The following UBE4B variants were observed in gnomAD, a reference collection of about 807,000 sequenced individuals.
UBE4B encodes ubiquitin conjugation factor E4 B.
A neutral mutation model predicts 148.1 loss-of-function variants in UBE4B; 27 were observed. The ratio of observed to expected loss-of-function variants is 0.18; its 90% CI spans 0.13 to 0.25. The LOEUF (loss-of-function observed/expected upper bound fraction) is 0.25. Ranked by LOEUF, UBE4B falls within the 10% of genes least tolerant of loss-of-function variation. The pLI, the probability that UBE4B is intolerant of heterozygous loss-of-function variation, is 1.00. For synonymous variants in UBE4B, 596 were observed against 619.3 expected (o/e 0.96, Z 0.56); for missense variants, 1,170 against 1,662.4 (o/e 0.70, Z 5.15).
chr1:10,170,735 A>G (rs1483639059), intron 24 of UBE4B, among the ~76,000 whole-genome samples: 2 of 152,222 alleles, frequency 1.3e-5, no homozygotes, highest in African/African-American at 4.8e-5. Context: ...AAAAAAGTTT[A>G]TGAAATACTG....
rs1302053658 is a variant in UBE4B, at chr1:10,095,486, T to C, written c.237T>C (p.Ser79=). The part of the protein sequence containing the change: ...ASGVAHRSQS[S]EGVSSLSSSP... ...GAGTAGCCCATCGAAGCCAGAGCAG[T>C]GAAGGAGTCAGTTCTCTCAGCAGCT... Residue 79 remains serine (S), a synonymous_variant, in exon 3 of 28, where the codon AGT becomes AGC. Coordinates refer to ENST00000343090, the MANE Select transcript of UBE4B (RefSeq NM_001105562.3). The C allele has an allele frequency of 6.2e-7, 1 of 1,614,174 alleles. No individual in the cohort carries two copies. Among genetic ancestry groups the C allele is most frequent in the Admixed American group, 1.7e-5 (1 of 60,018 alleles).
chr1:10,173,575 A>T (rs1373547948), intron 25 of UBE4B, among the ~76,000 whole-genome samples: 1 of 152,178 alleles, frequency 6.6e-6, no homozygotes, highest in Non-Finnish European at 1.5e-5. Context: ...ATTTAGAAAC[A>T]GAAAGCAAGT....
chr1:10,158,527 C>T (rs950886345), intron 22 of UBE4B, 45 bp downstream of exon 22: 10 of 1,599,000 alleles, frequency 6.3e-6, no homozygotes, highest in East Asian at 4.5e-5. Flanking sequence ...TCTTGCAAAT[C>T]GCAGGTAGGA....
intron 17 of UBE4B, among the ~76,000 whole-genome samples, chr1:10,138,146 G>A (rs951155958): frequency 2.0e-5 from 3 of 150,148 alleles, no homozygotes; most frequent in Non-Finnish European, 4.4e-5. Context: ...AGTCCAGGCT[G>A]GAGTCCAATG....
At chr1:10,137,236 G>A (rs369680704) in intron 17 of UBE4B, 31 bp downstream of exon 17, 1 of 1,612,108 alleles carries the variant, frequency 6.2e-7, no homozygotes, top group Non-Finnish European at 8.5e-7. Flanking sequence ...TCCTGGGATT[G>A]CCTGAGTTAC....
chr1:10,054,336 A>C (rs979254657), intron 1 of UBE4B: 1 of 163,820 alleles, frequency 6.1e-6, no homozygotes, highest in African/African-American at 2.4e-5. Flanking sequence ...GGACACAATT[A>C]AAATTTGCTT....
intron 2 of UBE4B, among the ~76,000 whole-genome samples, chr1:10,084,636 A>G (rs760454606): frequency 1.3e-4 from 20 of 151,790 alleles, no homozygotes; most frequent in Admixed American, 1.1e-3. Context: ...ATTTGGGACT[A>G]CACTGGGAGT....
At chr1:10,139,368 G>A (rs112635498) in intron 17 of UBE4B, among the ~76,000 whole-genome samples, 2,138 of 151,996 alleles carry the variant, frequency 0.014, 47 homozygotes, top group African/African-American at 0.047. Flanking sequence ...TCCAGCCTGA[G>A]CAAGAGTGAG....
rs116495892 is a variant in UBE4B at position 10,048,088 on chromosome 1, A to G, written c.24+14394A>G. ...GGTCTTGAACTCCTGACTTCAAACAATCCTCCTTCCTTGGCTTCCCAAGGC... is the reference window on the plus strand; with the variant it reads ...GGTCTTGAACTCCTGACTTCAAACAGTCCTCCTTCCTTGGCTTCCCAAGGC... On this transcript the variant is annotated intron_variant, in intron 1 of 27. Transcript: ENST00000343090. Among the ~76,000 whole-genome samples, 609 of 152,138 alleles carry G rather than the reference A, an allele frequency of 4.0e-3. 5 individuals carry two copies. Among genetic ancestry groups the G allele is most frequent in the African/African-American group, 0.014 (585 of 41,512 alleles).
At chr1:10,129,312 G>C (rs908722606) in intron 11 of UBE4B, 80 bp from the exon 12 acceptor site, 2 of 1,393,046 alleles carry the variant, frequency 1.4e-6, no homozygotes, top group African/African-American at 2.8e-5. Flanking sequence ...TATAGCAGCA[G>C]TTAAAACTGT....
Position 10,066,509 on chromosome 1 carries a change from A to G in UBE4B, c.25-5519A>G, listed in dbSNP as rs1032512840. 3.3e-5 allele frequency among the ~76,000 whole-genome samples: 5 copies of G among 152,064 alleles called. No homozygotes were observed. The South Asian group carries it at 1.0e-3, about 32-fold the overall frequency. On this transcript the variant is annotated intron_variant, in intron 1 of 27. Transcript: ENST00000343090. ...TGGATGTAAATGCATTTTTTGGAGA[A>G]ACATTGTTGGGCTTAGATTAGGCCT...
intron 19 of UBE4B, among the ~76,000 whole-genome samples, chr1:10,147,442 G>A (rs1262536944): frequency 2.6e-5 from 4 of 152,108 alleles, no homozygotes; most frequent in East Asian, 3.9e-4. Flanking sequence ...GCATTGAGCC[G>A]AGATCATGCT....
chr1:10,118,264 A>C (rs1159837173), intron 8 of UBE4B, among the ~76,000 whole-genome samples: 2 of 152,158 alleles, frequency 1.3e-5, no homozygotes. Context: ...TCATATTTGT[A>C]AAGGGCCTTC....
At chr1:10,179,287 G>A in intron 26 of UBE4B, 129 bp from the exon 27 acceptor site, 1 of 1,154,980 alleles carries the variant, frequency 8.7e-7, no homozygotes, top group South Asian at 1.5e-5. Flanking sequence ...TTCTAAACCT[G>A]GGGGCCTCAC....
At chr1:10,102,640 A>T (rs991782505) in intron 4 of UBE4B, among the ~76,000 whole-genome samples, 5 of 151,704 alleles carry the variant, frequency 3.3e-5, no homozygotes, top group African/African-American at 1.2e-4. Flanking sequence ...TGAGCTCCTG[A>T]CCTCAGGTGA....
At chr1:10,046,109 G>A (rs1163453549) in intron 1 of UBE4B, among the ~76,000 whole-genome samples, 3 of 152,184 alleles carry the variant, frequency 2.0e-5, no homozygotes, top group Admixed American at 2.0e-4. Context: ...AGAGAGGGGA[G>A]GGGAGGTCAT....
intron 1 of UBE4B, among the ~76,000 whole-genome samples, chr1:10,056,443 C>G (rs1358077481): frequency 6.6e-6 from 1 of 152,190 alleles, no homozygotes; most frequent in Non-Finnish European, 1.5e-5. Flanking sequence ...CGAGTGCTCT[C>G]TGGGAGTTAG....
At chr1:10,122,155 CTT>C (rs1645421671) in intron 10 of UBE4B, 79 bp downstream of exon 10, 1 of 979,406 alleles carries the variant, frequency 1.0e-6, no homozygotes, top group African/African-American at 1.6e-5. Context: ...CCATTGAAAA[CTT>C]TTGCCTGAAT....
intron 7 of UBE4B, among the ~76,000 whole-genome samples, chr1:10,109,330 A>G (rs1295321510): frequency 6.6e-6 from 1 of 152,134 alleles, no homozygotes; most frequent in Non-Finnish European, 1.5e-5. Flanking sequence ...ATTTCTGCCC[A>G]AATAGGTCTT....
Sources: allele counts gnomAD v4.1 joint callset (sites outside exome capture counted in the v4.1 genomes callset), GRCh38; gene constraint gnomAD v4.1.1; transcripts MANE v1.5; gene names NCBI Gene and HGNC (gene_info 2026-07-23, HGNC 2026-07-21).